The following BPTF variants were observed in gnomAD, a reference collection of about 807,000 sequenced individuals.
BPTF encodes the protein bromodomain PHD finger transcription factor.
Under a neutral mutation model 292.5 loss-of-function variants are expected in BPTF, and 18 were observed. The observed-to-expected ratio is 0.06, with a 90% CI of 0.04 to 0.09. The LOEUF (loss-of-function observed/expected upper bound fraction) is 0.09. Ranked by LOEUF, BPTF falls within the 10% of genes least tolerant of loss-of-function variation. BPTF has a pLI of 1.00. For missense variants in BPTF, 2,726 were observed against 3,498.7 expected (o/e 0.78, Z 5.57); for synonymous variants, 1,225 against 1,251.9 (o/e 0.98, Z 0.45).
rs2058590204 is a variant in BPTF at position 67,854,707 on chromosome 17, A to G, written c.1381A>G (p.Ile461Val). 6 of 1,614,160 alleles carry G rather than the reference A, an allele frequency of 3.7e-6. No homozygotes were observed. The highest frequency in any genetic ancestry group is 3.4e-6 in the Non-Finnish European group (4 of 1,180,024). The change falls in exon 2 of 28, where the codon ATT (isoleucine) becomes GTT (valine). Residue 461 changes from isoleucine (I) to valine (V), a missense_variant. Ile to Val is a conservative substitution (Grantham distance 29). Coordinates refer to ENST00000306378, the MANE Select transcript of BPTF (RefSeq NM_182641.4). This position sits in a 1 kb window ranked among gnomAD's most constrained non-coding sequence, Gnocchi z 5.6. ...TAAACCATATATTCGACATGAACCT[A>G]TTGGATATGATAGAAGTCGGAGGAA... ...KNKPYIRHEP[I>V]GYDRSRRKYW...
chr17:67,881,665 G>A (rs1186398366), intron 4 of BPTF, among the ~76,000 whole-genome samples: 1 of 150,872 alleles, frequency 6.6e-6, no homozygotes, highest in African/African-American at 2.4e-5. Context: ...CACCACATCT[G>A]GCTAATTTTT....
At chr17:67,948,442 G>A in intron 23 of BPTF, 136 bp downstream of exon 23, 1 of 794,004 alleles carries the variant, frequency 1.3e-6, no homozygotes, top group African/African-American at 1.7e-5. Flanking sequence ...AGAGTAAAAA[G>A]CAGTGCAGCG....
At chr17:67,833,314 G>C (rs558098638) in intron 1 of BPTF, among the ~76,000 whole-genome samples, 4 of 151,186 alleles carry the variant, frequency 2.6e-5, no homozygotes, top group Non-Finnish European at 4.4e-5. Context: ...CCTGGACTCA[G>C]GCAATCTTCC....
intron 17 of BPTF, among the ~76,000 whole-genome samples, chr17:67,931,225 A>G (rs1255249552): frequency 1.3e-5 from 2 of 151,940 alleles, no homozygotes; most frequent in Non-Finnish European, 2.9e-5. Context: ...AGATTGTGCC[A>G]CTGTACTCCA....
intron 23 of BPTF, among the ~76,000 whole-genome samples, chr17:67,948,511 T>G (rs2065980956): frequency 6.6e-6 from 1 of 152,186 alleles, no homozygotes; most frequent in Non-Finnish European, 1.5e-5. Context: ...TATATTGTAT[T>G]CTCCAGACTA....
At chr17:67,961,362 C>T (rs1299888712) in intron 24 of BPTF, among the ~76,000 whole-genome samples, 1 of 152,160 alleles carries the variant, frequency 6.6e-6, no homozygotes, top group Non-Finnish European at 1.5e-5. Flanking sequence ...GTTAGTGTTT[C>T]TAAGGAGTGT....
intron 1 of BPTF, 27 bp downstream of exon 1, chr17:67,826,364 A>C: frequency 6.3e-7 from 1 of 1,582,416 alleles, no homozygotes; most frequent in Admixed American, 1.7e-5. Flanking sequence ...GTTGCTGCAG[A>C]CTCCTTCCCC....
In BPTF at chr17:67,892,077, ATAATTT is replaced by A. The variant is rs1220609903; in HGVS notation, c.2055+49_2055+54del. On this transcript the variant is annotated intron_variant, in intron 5 of 27. Transcript: ENST00000306378. ...AAAACAAAAATCTGTGGAATGTGAG[ATAATTT>A]TAATTACCACACCTTAAAAATAGGG... The A allele has an allele frequency of 5.8e-6, 8 of 1,385,622 alleles. No homozygotes were observed. The East Asian group carries it at 7.8e-5, about 14-fold the overall frequency. The allele number at this position is 1,385,622 out of a possible 1,614,324, so 85.8% of individuals were successfully genotyped here. A position where few individuals can be genotyped will look rare whatever the true frequency, so the allele number is the denominator to read the frequency against.
At chr17:67,862,271 CG>C (rs1162976678) in intron 2 of BPTF, among the ~76,000 whole-genome samples, 9 of 152,150 alleles carry the variant, frequency 5.9e-5, no homozygotes, top group African/African-American at 2.2e-4. Context: ...CCATCGTGCC[CG>C]GCCTAGTTAC....
intron 10 of BPTF, 83 bp downstream of exon 10, chr17:67,909,844 G>A (rs989092449): frequency 2.5e-5 from 30 of 1,182,104 alleles, no homozygotes; most frequent in East Asian, 1.4e-4. Flanking sequence ...AAGGTACTGC[G>A]TTGTGTTTTC....
intron 27 of BPTF, among the ~76,000 whole-genome samples, chr17:67,977,043 A>T (rs1383042935): frequency 5.9e-5 from 9 of 152,166 alleles, no homozygotes; most frequent in Non-Finnish European, 1.3e-4. Flanking sequence ...TTGGTGTCAG[A>T]TTTTTCTGCT....
intron 2 of BPTF, among the ~76,000 whole-genome samples, chr17:67,861,462 G>A (rs1177154189): frequency 1.3e-5 from 2 of 151,602 alleles, no homozygotes; most frequent in Admixed American, 6.6e-5. Context: ...GATTACGGGC[G>A]GCCGCCACCA....
intron 2 of BPTF, among the ~76,000 whole-genome samples, chr17:67,855,345 G>C (rs1012953340): frequency 2.6e-5 from 4 of 152,126 alleles, no homozygotes; most frequent in African/African-American, 9.7e-5. Context: ...GAATGCCACT[G>C]TGGGCCTGTT....
At position 67,911,726 on chromosome 17, in the gene BPTF, G is replaced by A. The variant is rs1315680621; in HGVS notation, c.3842G>A (p.Cys1281Tyr). 7 of 1,614,200 alleles carry A rather than the reference G, an allele frequency of 4.3e-6. No homozygotes were observed. Among genetic ancestry groups the A allele is most frequent in the South Asian group, 1.1e-5 (1 of 91,072 alleles). ...ATGGACTTTGAAGGAAAACTGGGAT[G>A]TGACTCTGAATCTAATAGCACTTTG... ...RAMDFEGKLG[C>Y]DSESNSTLEN... is the part of the protein sequence containing the mutation. The change falls in exon 11 of 28, where the codon TGT (cysteine) becomes TAT (tyrosine). Residue 1281 changes from cysteine (C) to tyrosine (Y), a missense_variant. Transcript: ENST00000306378.
At chr17:67,931,080 T>C (rs1372549777) in intron 17 of BPTF, among the ~76,000 whole-genome samples, 1 of 151,958 alleles carries the variant, frequency 6.6e-6, no homozygotes, top group Non-Finnish European at 1.5e-5. Flanking sequence ...TCCTGGTCAA[T>C]ATGGTGAAAC....
intron 1 of BPTF, among the ~76,000 whole-genome samples, chr17:67,852,112 G>A (rs1567900575): frequency 6.6e-6 from 1 of 151,850 alleles, no homozygotes; most frequent in Non-Finnish European, 1.5e-5. Flanking sequence ...ATTTAATGTC[G>A]TTCTCTCTTT....
intron 11 of BPTF, 138 bp downstream of exon 11, chr17:67,913,325 C>T (rs975415143): frequency 4.4e-6 from 6 of 1,363,586 alleles, no homozygotes; most frequent in Admixed American, 5.8e-5. Flanking sequence ...GTAATGGAAA[C>T]AGGATACAGA....
At chr17:67,846,989 C>A (rs985732852) in intron 1 of BPTF, among the ~76,000 whole-genome samples, 1 of 152,106 alleles carries the variant, frequency 6.6e-6, no homozygotes, top group Admixed American at 6.5e-5. Context: ...GCATGAGCCA[C>A]CAAGCCCAGC....
intron 3 of BPTF, among the ~76,000 whole-genome samples, chr17:67,868,713 C>G (rs2059532738): frequency 6.6e-6 from 1 of 152,174 alleles, no homozygotes; most frequent in African/African-American, 2.4e-5. Flanking sequence ...TTTCCCCATT[C>G]TCCATTTGCT....
Sources: allele counts gnomAD v4.1 joint callset (sites outside exome capture counted in the v4.1 genomes callset), GRCh38; gene constraint gnomAD v4.1.1; non-coding constraint Gnocchi (gnomAD v3.1); transcripts MANE v1.5; gene names NCBI Gene and HGNC (gene_info 2026-07-23, HGNC 2026-07-21).